Variants in MYO9B observed in about 807,000 individuals in gnomAD.
The protein encoded by MYO9B is myosin IXB.
A neutral mutation model predicts 229.5 loss-of-function variants in MYO9B; 71 were observed. That is an observed-to-expected ratio of 0.31 (90% CI 0.26 to 0.38). The LOEUF (loss-of-function observed/expected upper bound fraction) is 0.38, where lower values mean the gene tolerates loss of function less well. Ranked by LOEUF, MYO9B falls within the 10% of genes least tolerant of loss-of-function variation. The pLI, the probability that MYO9B is intolerant of heterozygous loss-of-function variation, is 1.00. For synonymous variants in MYO9B, 1,185 were observed against 1,235.8 expected, an observed-to-expected ratio of 0.96 and a Z score of 0.86; for missense variants, 2,255 against 2,920.5, an observed-to-expected ratio of 0.77 and a Z score of 5.25.
rs371547228 is a variant in MYO9B at position 17,212,119 on chromosome 19, C to T, written c.6283C>T (p.Arg2095Trp). 6.2e-5 allele frequency: 99 copies of T among 1,589,020 alleles called. No homozygotes were observed. The highest frequency in any genetic ancestry group is 7.9e-5 in the South Asian group (7 of 88,486). The change falls in exon 40 of 40, where the codon CGG becomes TGG. Residue 2095 changes from arginine (R) to tryptophan (W), a missense_variant. Around this residue, in one of 7 missense-constraint regions of MYO9B, gnomAD observed 331 missense variants for 332.5 expected, o/e 1.00. Transcript: ENST00000682292. This position sits in a 1 kb window ranked among gnomAD's most constrained non-coding sequence, Gnocchi z 5.4. ...TGCCCGGGAGGCGGCTGCCCCAGTG[C>T]GGCGCCGGGAGCCACCTGCCCGCCG... ...PGAREAAAPV[R>W]RREPPARRPD...
In MYO9B at chr19:17,154,474, C is replaced by G. The variant is rs2072516229; in HGVS notation, c.1199+59C>G. 6.0e-6 allele frequency: 8 copies of G among 1,334,678 alleles called. No individual in the cohort carries two copies. The South Asian group carries it at 9.9e-5, about 17-fold the overall frequency. 82.7% of individuals were successfully genotyped at this position (1,334,678 alleles called of 1,614,324 possible). On this transcript the variant is annotated intron_variant, in intron 6 of 39. Coordinates refer to ENST00000682292, the MANE Select transcript of MYO9B (RefSeq NM_004145.4). ...GAGCCTACAGGGGGCACGCATGGCCCTTACCAGTCACTCTGAGGTCTAACC... is the reference window on the plus strand; with the variant it reads ...GAGCCTACAGGGGGCACGCATGGCCGTTACCAGTCACTCTGAGGTCTAACC...
rs1410376083 is a variant in MYO9B, at chr19:17,194,727, G to A, written c.3300G>A (p.Glu1100=). The A allele has an allele frequency of 6.2e-7, 1 of 1,612,980 alleles. No homozygotes were observed. Among genetic ancestry groups the A allele is most frequent in the East Asian group, 2.2e-5 (1 of 44,876 alleles). Residue 1100 remains glutamate (E), a synonymous_variant, in exon 22 of 40, where the codon GAG becomes GAA. Transcript: ENST00000682292. ...PAEDGGHLAS[E]PEVQPSDRSP... is the part of the protein sequence containing the mutation. ...AGGATGGCGGGCACCTGGCATCGGA[G>A]CCTGAGGTGCAGCCAAGTGACAGGT...
At chr19:17,080,053 G>T (rs534291771) in intron 1 of MYO9B, among the ~76,000 whole-genome samples, 41 of 152,332 alleles carry the variant, frequency 2.7e-4, no homozygotes, top group Middle Eastern at 3.4e-3. Flanking sequence ...TCCTCAGCGA[G>T]ACTTTCTGAG....
rs1167939443 is a variant in MYO9B, at chr19:17,203,351, AC to A, written c.4990+94del. On this transcript the variant is annotated intron_variant, in intron 30 of 39. Transcript: ENST00000682292. ...TCTTCAGGGCCAGGCGGGGTGGCTC[AC>A]ACCTGTAATCCCAGCACTTTGGGAG... The A allele has an allele frequency of 4.2e-6, 4 of 951,236 alleles. No individual in the cohort carries two copies. The Admixed American group carries it at 7.2e-5, about 17-fold the overall frequency. 58.9% of individuals were successfully genotyped at this position (951,236 alleles called of 1,614,324 possible).
chr19:17,109,183 A>G (rs1232571111), intron 2 of MYO9B, among the ~76,000 whole-genome samples: 2 of 151,424 alleles, frequency 1.3e-5, no homozygotes, highest in Non-Finnish European at 2.9e-5. Context: ...CTCCTGCCTC[A>G]GCCTCCTGAG....
intron 2 of MYO9B, among the ~76,000 whole-genome samples, chr19:17,109,948 A>G (rs2057831280): frequency 6.6e-6 from 1 of 152,204 alleles, no homozygotes; most frequent in Non-Finnish European, 1.5e-5. Flanking sequence ...CACTGCAGGT[A>G]GATTCCCCAG....
In MYO9B at chr19:17,212,266, C is replaced by G. The variant is rs1281882272; in HGVS notation, c.6430C>G (p.Pro2144Ala). Reference sequence around the variant, plus strand: ...GGCCAAGCGGAGGTACTCGGATCCCCCAACGTACTGCCTGCCCCCCGCCTC... The same window carrying G: ...GGCCAAGCGGAGGTACTCGGATCCCGCAACGTACTGCCTGCCCCCCGCCTC... Reference protein sequence around the residue: ...PGAKRRYSDPPTYCLPPASGQ... With the variant: ...PGAKRRYSDPATYCLPPASGQ... Residue 2144 changes from proline (P) to alanine (A), a missense_variant, in exon 40 of 40, where the codon CCA (proline) becomes GCA (alanine). Transcript: ENST00000682292. This position sits in a 1 kb window ranked among gnomAD's most constrained non-coding sequence, Gnocchi z 5.4. The G allele has an allele frequency of 6.4e-7, 1 of 1,564,018 alleles. No individual in the cohort carries two copies. Among genetic ancestry groups the G allele is most frequent in the Non-Finnish European group, 8.6e-7 (1 of 1,161,330 alleles).
chr19:17,079,568 A>T (rs2057516180), intron 1 of MYO9B, among the ~76,000 whole-genome samples: 1 of 152,156 alleles, frequency 6.6e-6, no homozygotes, highest in South Asian at 2.1e-4. Flanking sequence ...TATCTCTTCC[A>T]TGGGCCCTTT....
Position 17,101,369 on chromosome 19 carries a change from G to C in MYO9B, c.-58-291G>C, listed in dbSNP as rs888109668. 4.6e-5 allele frequency among the ~76,000 whole-genome samples: 7 copies of C among 152,040 alleles called. No homozygotes were observed. Among genetic ancestry groups the C allele is most frequent in the Middle Eastern group, 6.8e-3 (2 of 294 alleles). On this transcript the variant is annotated intron_variant, in intron 1 of 39. Coordinates refer to ENST00000682292, the MANE Select transcript of MYO9B (RefSeq NM_004145.4). This position sits in a 1 kb window ranked among gnomAD's most constrained non-coding sequence, Gnocchi z 4.7. ...TTTTGTAGAGACGGGGTCTCGCTAT[G>C]TTGCCCAGGCTGGTCTCAAACTCCT...
chr19:17,088,278 T>G (rs1341957590), intron 1 of MYO9B, among the ~76,000 whole-genome samples: 1 of 152,216 alleles, frequency 6.6e-6, no homozygotes, highest in Admixed American at 6.5e-5. Flanking sequence ...TCTTTTCCTT[T>G]TATAAGGACG....
At chr19:17,151,383 G>A (rs1189412236) in intron 3 of MYO9B, among the ~76,000 whole-genome samples, 6 of 151,998 alleles carry the variant, frequency 3.9e-5, no homozygotes, top group Non-Finnish European at 8.8e-5. Flanking sequence ...TGCTTCCAAG[G>A]ACACTGTGAC....
chr19:17,115,378 A>G (rs1044121675), intron 2 of MYO9B, among the ~76,000 whole-genome samples: 2 of 151,484 alleles, frequency 1.3e-5, no homozygotes, highest in Admixed American at 1.3e-4. Flanking sequence ...CTGGCCCTTT[A>G]TAGGAATTTT....
chr19:17,209,534 A>G lies in MYO9B; in HGVS notation c.5625-52A>G, dbSNP rs2073201875. Reference sequence around the variant, plus strand: ...CAGCTAGCATCTCCCTGGACCTCAGACGTCCCCGGGGCGGTAACTGAGTCA... The same window carrying G: ...CAGCTAGCATCTCCCTGGACCTCAGGCGTCCCCGGGGCGGTAACTGAGTCA... On this transcript the variant is annotated intron_variant, in intron 35 of 39. Transcript: ENST00000682292. 36 of 1,542,878 alleles carry G rather than the reference A, an allele frequency of 2.3e-5. No homozygotes were observed. In the South Asian group the frequency reaches 3.6e-4, roughly 16 times the overall value.
intron 1 of MYO9B, among the ~76,000 whole-genome samples, chr19:17,091,698 G>C (rs1246120430): frequency 6.6e-6 from 1 of 152,092 alleles, no homozygotes; most frequent in Admixed American, 6.5e-5. Flanking sequence ...GCCAGCTTGT[G>C]GTCCCAGCTA....
chr19:17,114,334 C>G (rs1238514007), intron 2 of MYO9B, among the ~76,000 whole-genome samples: 1 of 152,086 alleles, frequency 6.6e-6, no homozygotes, highest in African/African-American at 2.4e-5. Flanking sequence ...AGTTTCAGTC[C>G]GGCGTTCTCC....
chr19:17,080,955 G>A (rs2057528589), intron 1 of MYO9B, among the ~76,000 whole-genome samples: 1 of 152,070 alleles, frequency 6.6e-6, no homozygotes, highest in South Asian at 2.1e-4. Context: ...CTTTGTGGAG[G>A]GGAGTGGTGG....
rs1421448652 is a variant in MYO9B at position 17,194,810 on chromosome 19, C to T, written c.3383C>T (p.Pro1128Leu). 11 of 1,613,290 alleles carry T rather than the reference C, an allele frequency of 6.8e-6. No homozygotes were observed. The highest frequency in any genetic ancestry group is 9.3e-6 in the Non-Finnish European group (11 of 1,179,894). The change falls in exon 22 of 40, where the codon CCA becomes CTA. Residue 1128 changes from proline to leucine, a missense_variant. Pro to Leu is a moderately conservative substitution (Grantham distance 98). Coordinates refer to ENST00000682292, the MANE Select transcript of MYO9B (RefSeq NM_004145.4). ...GCCCCAAGCCCAGAGAAGACTCTCCCACCCCAGAAAACCGTGGCGGCTGAA... is the reference window on the plus strand; with the variant it reads ...GCCCCAAGCCCAGAGAAGACTCTCCTACCCCAGAAAACCGTGGCGGCTGAA... ...KEAPSPEKTL[P>L]PQKTVAAESH...
chr19:17,190,064 CAAAAAA>C (rs36086676), intron 19 of MYO9B, among the ~76,000 whole-genome samples: 1 of 127,158 alleles, frequency 7.9e-6, no homozygotes, highest in Non-Finnish European at 1.7e-5. Context: ...GACTCCGTCT[CAAAAAA>C]AAAAAAAAAA....
intron 4 of MYO9B, among the ~76,000 whole-genome samples, chr19:17,153,533 CAA>C (rs34618595): frequency 4.3e-5 from 6 of 140,534 alleles, no homozygotes; most frequent in Non-Finnish European, 4.7e-5. Flanking sequence ...CAAAAAAGAC[CAA>C]AAAAAAAAAA....
Sources: allele counts gnomAD v4.1 joint callset (sites outside exome capture counted in the v4.1 genomes callset), GRCh38; gene constraint gnomAD v4.1.1; regional missense constraint gnomAD v4.1.1; non-coding constraint Gnocchi (gnomAD v3.1); transcripts MANE v1.5; gene names NCBI Gene and HGNC (gene_info 2026-07-23, HGNC 2026-07-21).